Variants in CPE observed in about 807,000 individuals in gnomAD.
CPE encodes the protein carboxypeptidase E.
In CPE, 17 loss-of-function variants were observed where a neutral mutation model predicts 53.5. The observed-to-expected ratio is 0.32, with a 90% CI of 0.22 to 0.48. CPE has a LOEUF of 0.48. CPE is among the 20% of genes least tolerant of loss of function. CPE has a pLI of 0.99. For synonymous variants in CPE, 226 were observed against 228.8 expected (o/e 0.99, Z 0.11); for missense variants, 524 against 614.7 (o/e 0.85, Z 1.56).
chr4:165,392,101 T>TG (rs1730688468), intron 1 of CPE, among the ~76,000 whole-genome samples: 1 of 151,318 alleles, frequency 6.6e-6, no homozygotes, highest in Middle Eastern at 3.2e-3. Flanking sequence ...AATGCAGTTT[T>TG]GGGGGTGCTG....
chr4:165,485,589 T>C (rs1732493601), intron 5 of CPE, among the ~76,000 whole-genome samples: 1 of 152,216 alleles, frequency 6.6e-6, no homozygotes, highest in African/African-American at 2.4e-5. Context: ...GCATGTCTAG[T>C]ACATCAGATG....
chr4:165,435,354 T>A (rs983074003), intron 1 of CPE, among the ~76,000 whole-genome samples: 6 of 150,064 alleles, frequency 4.0e-5, no homozygotes, highest in Admixed American at 3.3e-4. Context: ...ACAGAAAAAC[T>A]GACTTTGGAA....
chr4:165,475,546 C>T (rs1191029054), intron 3 of CPE, among the ~76,000 whole-genome samples: 1 of 152,206 alleles, frequency 6.6e-6, no homozygotes, highest in Non-Finnish European at 1.5e-5. Flanking sequence ...TGAAAGCAAA[C>T]AAGAGGCAGG....
chr4:165,456,885 C>T (rs1423083772), intron 1 of CPE, among the ~76,000 whole-genome samples: 1 of 151,792 alleles, frequency 6.6e-6, no homozygotes, highest in Non-Finnish European at 1.5e-5. Context: ...GGATTACAGG[C>T]ACCCACCACC....
chr4:165,434,913 G>A (rs1246831468), intron 1 of CPE, among the ~76,000 whole-genome samples: 1 of 152,008 alleles, frequency 6.6e-6, no homozygotes, highest in Non-Finnish European at 1.5e-5. Flanking sequence ...TAATGAGTGA[G>A]TTTTGCTCTT....
chr4:165,495,927 G>A (rs1236053512), intron 8 of CPE, among the ~76,000 whole-genome samples: 1 of 152,058 alleles, frequency 6.6e-6, no homozygotes, highest in Non-Finnish European at 1.5e-5. Context: ...ATTTTTATTT[G>A]CTAACCTTGA....
chr4:165,451,538 C>T (rs1731809742), intron 1 of CPE, among the ~76,000 whole-genome samples: 1 of 152,072 alleles, frequency 6.6e-6, no homozygotes, highest in African/African-American at 2.4e-5. Flanking sequence ...GTTGCCCAGG[C>T]TGGAGTGCAG....
chr4:165,430,116 G>GA lies in CPE; in HGVS notation c.308-34270dup, dbSNP rs201720949. On this transcript the variant is annotated intron_variant, in intron 1 of 8. Coordinates refer to ENST00000402744, the MANE Select transcript of CPE (RefSeq NM_001873.4). ...AAAACGAATTGATTGTAGTCTTTTT[G>GA]AAAATCAGTTTTTAGTAGCTGCAGA... is the stretch of plus-strand genomic sequence containing the variant. 3.7e-3 allele frequency among the ~76,000 whole-genome samples: 564 copies of GA among 152,166 alleles called. 8 individuals carry two copies. Among genetic ancestry groups the GA allele is most frequent in the East Asian group, 0.026 (136 of 5,182 alleles).
intron 1 of CPE, among the ~76,000 whole-genome samples, chr4:165,393,286 A>G (rs1000740731): frequency 2.0e-5 from 3 of 152,190 alleles, no homozygotes; most frequent in Non-Finnish European, 2.9e-5. Context: ...CATTTGTCTA[A>G]CACTTGAATA....
At chr4:165,462,136 G>T (rs1252739313) in intron 1 of CPE, among the ~76,000 whole-genome samples, 1 of 152,178 alleles carries the variant, frequency 6.6e-6, no homozygotes, top group Non-Finnish European at 1.5e-5. Context: ...TACATTTTCT[G>T]AGTCTGAAAA....
At chr4:165,446,721 T>C (rs984136661) in intron 1 of CPE, among the ~76,000 whole-genome samples, 1 of 152,196 alleles carries the variant, frequency 6.6e-6, no homozygotes, top group African/African-American at 2.4e-5. Context: ...AACAAACCCT[T>C]TCACACATTA....
At chr4:165,470,511 C>T (rs1732186096) in intron 3 of CPE, among the ~76,000 whole-genome samples, 1 of 152,208 alleles carries the variant, frequency 6.6e-6, no homozygotes, top group Admixed American at 6.5e-5. Flanking sequence ...ACTTGCCCAA[C>T]TCCTGCCGTC....
chr4:165,462,524 A>G (rs1732025927), intron 1 of CPE, among the ~76,000 whole-genome samples: 1 of 152,152 alleles, frequency 6.6e-6, no homozygotes, highest in South Asian at 2.1e-4. Flanking sequence ...TCCCCTGGCT[A>G]CTTGCTCTCT....
chr4:165,438,698 C>A (rs1731553746), intron 1 of CPE, among the ~76,000 whole-genome samples: 1 of 152,134 alleles, frequency 6.6e-6, no homozygotes, highest in African/African-American at 2.4e-5. Context: ...AGATCTAATG[C>A]AGTGGAAGAG....
chr4:165,437,747 G>A (rs186604717), intron 1 of CPE, among the ~76,000 whole-genome samples: 2 of 152,308 alleles, frequency 1.3e-5, no homozygotes, highest in East Asian at 3.9e-4. Context: ...AGAGTGTGGG[G>A]TGTGGAGAGA....
rs1437191301 is a variant in CPE at position 165,422,841 on chromosome 4, G to C, written c.308-41549G>C. 1.3e-5 allele frequency among the ~76,000 whole-genome samples: 2 copies of C among 151,908 alleles called. 1 individual carries two copies. The highest frequency in any genetic ancestry group is 1.3e-4 in the Admixed American group (2 of 15,236). ...AAACACAAAAAATTAGCCGGGTGTG[G>C]TGGCGGGCACCTGTAGTCCCAGCTA... On this transcript the variant is annotated intron_variant, in intron 1 of 8. Coordinates refer to ENST00000402744, the MANE Select transcript of CPE (RefSeq NM_001873.4).
At chr4:165,489,690 A>G (rs1324831344) in intron 6 of CPE, among the ~76,000 whole-genome samples, 4 of 152,110 alleles carry the variant, frequency 2.6e-5, no homozygotes, top group African/African-American at 9.7e-5. Flanking sequence ...AGTTCTTGAG[A>G]AAAAAAATAA....
At chr4:165,460,097 A>G (rs1363481636) in intron 1 of CPE, among the ~76,000 whole-genome samples, 1 of 152,048 alleles carries the variant, frequency 6.6e-6, no homozygotes, top group African/African-American at 2.4e-5. Flanking sequence ...CCGGATCCAC[A>G]TACCTGGCAG....
chr4:165,416,729 A>G (rs1258621248), intron 1 of CPE, among the ~76,000 whole-genome samples: 1 of 151,878 alleles, frequency 6.6e-6, no homozygotes, highest in Non-Finnish European at 1.5e-5. Context: ...TTTGTCCTAG[A>G]TAGTGCGGTG....
Sources: gnomAD v4.1 joint callset for allele counts (sites outside exome capture counted in the v4.1 genomes callset) on GRCh38, gnomAD v4.1.1 for gene constraint, MANE v1.5 for transcripts, NCBI Gene and HGNC (gene_info 2026-07-23, HGNC 2026-07-21) for gene names.